CES5A: variants seen among roughly 807,000 people sequenced by gnomAD.
CES5A encodes carboxylesterase 5A.
A neutral mutation model predicts 62.9 loss-of-function variants in CES5A; 67 were observed. The observed-to-expected ratio is 1.07, with a 90% CI of 0.88 to 1.31. CES5A has a LOEUF of 1.31. CES5A is among the 50% of genes most tolerant of loss of function. The pLI is 0.00. For missense variants in CES5A, 748 were observed against 708.5 expected, an observed-to-expected ratio of 1.06 and a Z score of -0.63; for synonymous variants, 296 against 280.8, an observed-to-expected ratio of 1.05 and a Z score of -0.54.
intron 9 of CES5A, among the ~76,000 whole-genome samples, chr16:55,854,532 T>TTTCTGTTTTCTTTC (rs1491341397): frequency 0.011 from 631 of 59,046 alleles, 47 homozygotes; most frequent in African/African-American, 0.027. Context: ...GTAGTGTTTC[T>TTTCTGTTTTCTTTC]TTTTTTTTTT....
chr16:55,913,295 C>T (rs747678602), intron 1 of CES5A, among the ~76,000 whole-genome samples: 5 of 151,862 alleles, frequency 3.3e-5, no homozygotes, highest in Non-Finnish European at 5.9e-5. Context: ...GCCAGATTGC[C>T]GGTCTGGGTG....
intron 1 of CES5A, among the ~76,000 whole-genome samples, chr16:55,893,469 T>C (rs1221003427): frequency 6.6e-6 from 1 of 152,108 alleles, no homozygotes; most frequent in African/African-American, 2.4e-5. Flanking sequence ...TTTAAAAATT[T>C]AGAGGGGAAA....
chr16:55,847,512 C>T (rs1226930578), intron 11 of CES5A, among the ~76,000 whole-genome samples: 1 of 152,072 alleles, frequency 6.6e-6, no homozygotes, highest in Non-Finnish European at 1.5e-5. Flanking sequence ...AAATGTTTCC[C>T]TTTCATCTCT....
chr16:55,903,397 G>A (rs2034009999), intron 1 of CES5A, among the ~76,000 whole-genome samples: 2 of 152,194 alleles, frequency 1.3e-5, no homozygotes, highest in Non-Finnish European at 2.9e-5. Context: ...CAAAGGAATT[G>A]AGTACAGAAT....
At chr16:55,871,920 T>C (rs2142412472) in intron 2 of CES5A, 157 bp from the exon 3 acceptor site, 1 of 676,538 alleles carries the variant, frequency 1.5e-6, no homozygotes, top group East Asian at 2.8e-5. Flanking sequence ...CAAACCCCCA[T>C]GGTTTCCAAA....
intron 2 of CES5A, among the ~76,000 whole-genome samples, chr16:55,938,791 T>TACACAC (rs1567362395): frequency 4.7e-5 from 3 of 64,490 alleles, no homozygotes; most frequent in Non-Finnish European, 9.9e-5. Flanking sequence ...TATATATATA[T>TACACAC]ATATATACAC....
chr16:55,865,538 A>C (rs183086837), intron 5 of CES5A, among the ~76,000 whole-genome samples: 1 of 152,330 alleles, frequency 6.6e-6, no homozygotes, highest in African/African-American at 2.4e-5. Context: ...CAACTCTGCA[A>C]ACATAAGGCC....
chr16:55,894,631 A>G (rs1277849011), intron 1 of CES5A, among the ~76,000 whole-genome samples: 1 of 152,322 alleles, frequency 6.6e-6, no homozygotes, highest in South Asian at 2.1e-4. Flanking sequence ...CAGTAAATAT[A>G]CTAGCAAAAA....
chr16:55,953,049 CA>C (rs1381250296), intron 1 of CES5A, among the ~76,000 whole-genome samples: 24 of 151,946 alleles, frequency 1.6e-4, no homozygotes, highest in African/African-American at 5.6e-4. Flanking sequence ...GTATTAGGAG[CA>C]AAAAACGGAA....
intron 2 of CES5A, among the ~76,000 whole-genome samples, chr16:55,940,167 C>A (rs1299309019): frequency 6.6e-6 from 1 of 151,750 alleles, no homozygotes; most frequent in East Asian, 1.9e-4. Flanking sequence ...CCAAAGTAAC[C>A]AGGAGAAAGA....
At chr16:55,860,787 A>C (rs1193480670) in intron 7 of CES5A, among the ~76,000 whole-genome samples, 1 of 152,218 alleles carries the variant, frequency 6.6e-6, no homozygotes, top group Non-Finnish European at 1.5e-5. Flanking sequence ...CATGGCTCAG[A>C]GTGGACATTC....
intron 2 of CES5A, among the ~76,000 whole-genome samples, chr16:55,930,870 T>C (rs2034303563): frequency 6.6e-6 from 1 of 152,010 alleles, no homozygotes; most frequent in South Asian, 2.1e-4. Context: ...AGAAGGGGAA[T>C]GGAGGAGATG....
intron 2 of CES5A, among the ~76,000 whole-genome samples, chr16:55,932,769 A>G (rs1451005230): frequency 6.6e-6 from 1 of 152,182 alleles, no homozygotes; most frequent in Non-Finnish European, 1.5e-5. Flanking sequence ...GGCTGATGAG[A>G]TGAGGTTCAA....
chr16:55,863,202 C>T (rs559883182), intron 6 of CES5A, 146 bp downstream of exon 6: 11 of 639,358 alleles, frequency 1.7e-5, no homozygotes, highest in East Asian at 5.4e-5. Flanking sequence ...AGACCTTTCA[C>T]GGAGGAACAA....
chr16:55,921,662 G>A (rs2034205957), intron 1 of CES5A, among the ~76,000 whole-genome samples: 2 of 139,458 alleles, frequency 1.4e-5, no homozygotes, highest in Admixed American at 7.1e-5. Context: ...AACCATTGAA[G>A]TGCAAAAAAA....
At chr16:55,921,093 AG>A (rs2034199512) in intron 1 of CES5A, among the ~76,000 whole-genome samples, 1 of 152,206 alleles carries the variant, frequency 6.6e-6, no homozygotes, top group Non-Finnish European at 1.5e-5. Context: ...AAGAATGAAA[AG>A]CAATGAAGAT....
At chr16:55,880,772 A>G (rs1277746572) in intron 1 of CES5A, among the ~76,000 whole-genome samples, 1 of 152,192 alleles carries the variant, frequency 6.6e-6, no homozygotes, top group Non-Finnish European at 1.5e-5. Context: ...GCCTTTTGTT[A>G]ACTGCCTTGG....
chr16:55,857,032 A>G (rs1180358270), intron 8 of CES5A, among the ~76,000 whole-genome samples: 1 of 152,176 alleles, frequency 6.6e-6, no homozygotes, highest in Non-Finnish European at 1.5e-5. Context: ...CTTTGACACC[A>G]AGTTCAAAGA....
rs151079472 is a variant in CES5A at position 55,953,602 on chromosome 16, A to G, written c.42+2242T>C. ...GGCAAATTTCATAAGAAATGTCAGC[A>G]GAAGTGGTATAAAGAGTTAGGATGT... On this transcript the variant is annotated intron_variant, in intron 1 of 13. Coordinates refer to the CES5A transcript ENST00000521992. Among the ~76,000 whole-genome samples, 677 of 152,328 alleles carry G rather than the reference A, an allele frequency of 4.4e-3. 5 individuals are homozygous for G. The highest frequency in any genetic ancestry group is 0.015 in the African/African-American group (624 of 41,584).
Sources: allele counts gnomAD v4.1 joint callset (sites outside exome capture counted in the v4.1 genomes callset), GRCh38; gene constraint gnomAD v4.1.1; transcripts MANE v1.5; gene names NCBI Gene and HGNC (gene_info 2026-07-23, HGNC 2026-07-21).